FAM222A: variants seen among roughly 807,000 people sequenced by gnomAD.
FAM222A encodes protein FAM222A.
In FAM222A, 7 loss-of-function variants were observed where a neutral mutation model predicts 25.8. That is an observed-to-expected ratio of 0.27 (90% confidence interval 0.15 to 0.51). The LOEUF (loss-of-function observed/expected upper bound fraction) is 0.51. Among genes scored for constraint, FAM222A ranks in the 20% least tolerant of loss-of-function variants. The pLI is 0.97. For synonymous variants in FAM222A, 294 were observed against 298.8 expected, an observed-to-expected ratio of 0.98 and a Z score of 0.17; for missense variants, 573 against 640.5, an observed-to-expected ratio of 0.89 and a Z score of 1.14.
At chr12:109,749,451 G>A (rs1888498278) in intron 2 of FAM222A, among the ~76,000 whole-genome samples, 1 of 152,108 alleles carries the variant, frequency 6.6e-6, no homozygotes, top group Non-Finnish European at 1.5e-5. Context: ...TATGATCAGA[G>A]AATCTTGTCT....
chr12:109,725,538 A>G (rs1006957983), intron 1 of FAM222A, among the ~76,000 whole-genome samples: 8 of 150,050 alleles, frequency 5.3e-5, no homozygotes, highest in Non-Finnish European at 1.0e-4. Flanking sequence ...GTCCAAGGCT[A>G]GGCACCTTGC....
intron 2 of FAM222A, among the ~76,000 whole-genome samples, chr12:109,756,309 T>C (rs1888724474): frequency 6.6e-6 from 1 of 152,162 alleles, no homozygotes; most frequent in African/African-American, 2.4e-5. Flanking sequence ...TAATAGTTTT[T>C]TAGTGAATTT....
At chr12:109,741,063 C>T (rs1321393500) in intron 1 of FAM222A, among the ~76,000 whole-genome samples, 3 of 152,148 alleles carry the variant, frequency 2.0e-5, no homozygotes, top group Non-Finnish European at 2.9e-5. Context: ...GGCTCCACGC[C>T]GGGGCCAGAG....
chr12:109,718,070 A>G (rs1005366381), intron 1 of FAM222A, among the ~76,000 whole-genome samples: 1 of 152,192 alleles, frequency 6.6e-6, no homozygotes, highest in African/African-American at 2.4e-5. Context: ...GAGAAGGACC[A>G]TAGCACTCAC....
At chr12:109,764,002 G>A (rs940733661) in intron 2 of FAM222A, among the ~76,000 whole-genome samples, 8 of 152,020 alleles carry the variant, frequency 5.3e-5, no homozygotes, top group Non-Finnish European at 8.8e-5. Flanking sequence ...CACCAAGGTG[G>A]GAGGGTCACT....
chr12:109,743,250 G>A (rs1430270199), intron 1 of FAM222A, among the ~76,000 whole-genome samples: 1 of 152,196 alleles, frequency 6.6e-6, no homozygotes, highest in African/African-American at 2.4e-5. Context: ...CCAGTCAGGG[G>A]CTTTGGGCTC....
chr12:109,738,239 C>A (rs999526339), intron 1 of FAM222A, among the ~76,000 whole-genome samples: 5 of 152,166 alleles, frequency 3.3e-5, no homozygotes, highest in Non-Finnish European at 5.9e-5. Flanking sequence ...TGCTGCCCCT[C>A]ATTATTTAGA....
chr12:109,769,042 G>C lies in FAM222A; in HGVS notation c.1113G>C (p.Glu371Asp), dbSNP rs779707132. The C allele has an allele frequency of 6.3e-7, 1 of 1,586,208 alleles. No homozygotes were observed. Among genetic ancestry groups the C allele is most frequent in the Admixed American group, 1.8e-5 (1 of 56,298 alleles). ...YNPAAAVVVTELGPGAARELA... is the reference protein window; with the variant it reads ...YNPAAAVVVTDLGPGAARELA... ...CAGCGGCGGCGGTGGTGGTCACGGA[G>C]CTGGGGCCGGGGGCAGCCCGGGAGC... The change falls in exon 3 of 3, where the codon GAG (glutamate) becomes GAC (aspartate). Residue 371 changes from glutamate to aspartate, a missense_variant. Glu to Asp is a conservative substitution (Grantham distance 45). This residue lies in a region of FAM222A where 412 missense variants were observed against 407.0 expected (regional missense o/e 1.01). Coordinates refer to ENST00000538780, the MANE Select transcript of FAM222A (RefSeq NM_032829.3).
At chr12:109,720,845 G>T (rs1205355036) in intron 1 of FAM222A, among the ~76,000 whole-genome samples, 1 of 152,188 alleles carries the variant, frequency 6.6e-6, no homozygotes, top group Non-Finnish European at 1.5e-5. Context: ...ACAGTATGTG[G>T]GCACTGTGCC....
At chr12:109,719,801 A>G (rs2136316219) in intron 1 of FAM222A, among the ~76,000 whole-genome samples, 1 of 152,054 alleles carries the variant, frequency 6.6e-6, no homozygotes, top group Admixed American at 6.5e-5. Flanking sequence ...TGCTGAGCTA[A>G]GGGTGCTGTG....
chr12:109,725,713 C>T (rs755587390), intron 1 of FAM222A, among the ~76,000 whole-genome samples: 2 of 151,800 alleles, frequency 1.3e-5, no homozygotes, highest in African/African-American at 2.4e-5. Flanking sequence ...GAAACGTTTG[C>T]TTGAAGCAAA....
At position 109,768,367 on chromosome 12, in the gene FAM222A, G is replaced by C; in HGVS notation, c.438G>C (p.Ala146=). Residue 146 remains alanine (A), a synonymous_variant, in exon 3 of 3, where the codon GCG becomes GCC. Transcript: ENST00000538780. ...CGGCCGCCGTGCAGGTGGGCATTGC[G>C]CCCTACCCAGTGCCCAGCACTCTGG... ...LSPAAVQVGI[A]PYPVPSTLGP... 1 of 1,596,714 alleles carries C rather than the reference G, an allele frequency of 6.3e-7. No homozygotes were observed. The highest frequency in any genetic ancestry group is 8.5e-7 in the Non-Finnish European group (1 of 1,176,186).
chr12:109,745,633 C>T (rs1888378600), intron 2 of FAM222A, among the ~76,000 whole-genome samples: 1 of 152,166 alleles, frequency 6.6e-6, no homozygotes, highest in Non-Finnish European at 1.5e-5. Flanking sequence ...TTTTGCTCAC[C>T]TGGGCAGTGA....
intron 2 of FAM222A, among the ~76,000 whole-genome samples, chr12:109,767,546 C>T (rs1889092208): frequency 6.6e-6 from 1 of 152,126 alleles, no homozygotes; most frequent in Non-Finnish European, 1.5e-5. Context: ...ACAACAAATA[C>T]CATACAGCGA....
rs1887594156 is a variant in FAM222A, at chr12:109,714,267, CAG to C, written c.-674_-673del. On this transcript the variant is annotated 5_prime_UTR_variant, in exon 1 of 3. Transcript: ENST00000538780. This position sits in a 1 kb window ranked among gnomAD's most constrained non-coding sequence, Gnocchi z 4.2. ...TTCCCCTCCCCCCACACCCGGGGCT[CAG>C]AGCAGGAGGAGGAGGGGCCGGTGCA... 5.5e-6 allele frequency: 1 copy of C among 182,544 alleles called. No homozygotes were observed. The highest frequency in any genetic ancestry group is 6.4e-5 in the Admixed American group (1 of 15,648). The allele number at this position is 182,544 out of a possible 1,614,324, so 11.3% of individuals were successfully genotyped here.
At chr12:109,730,614 CTCTG>C (rs756403161) in intron 1 of FAM222A, among the ~76,000 whole-genome samples, 5 of 152,184 alleles carry the variant, frequency 3.3e-5, no homozygotes, top group Non-Finnish European at 5.9e-5. Flanking sequence ...CCCCCTGAAG[CTCTG>C]TCTGACCTGG....
intron 2 of FAM222A, among the ~76,000 whole-genome samples, chr12:109,763,622 C>CAGAGCAAGTGGTCTGAG (rs1888960489): frequency 6.6e-6 from 1 of 152,232 alleles, no homozygotes; most frequent in Non-Finnish European, 1.5e-5. Flanking sequence ...TGGCTTCCCC[C>CAGAGCAAGTGGTCTGAG]AGAGCAAGTG....
intron 1 of FAM222A, among the ~76,000 whole-genome samples, chr12:109,736,687 G>A (rs988663167): frequency 6.6e-6 from 1 of 152,218 alleles, no homozygotes; most frequent in Non-Finnish European, 1.5e-5. Context: ...CATAGTTGGT[G>A]TTTAATCTGT....
intron 1 of FAM222A, among the ~76,000 whole-genome samples, chr12:109,730,019 C>T (rs192524225): frequency 6.6e-5 from 10 of 152,312 alleles, no homozygotes; most frequent in Non-Finnish European, 1.0e-4. Flanking sequence ...CCATGACCAC[C>T]GCGCCTTCTC....
Sources: gnomAD v4.1 joint callset for allele counts (sites outside exome capture counted in the v4.1 genomes callset) on GRCh38, gnomAD v4.1.1 for gene constraint, gnomAD v4.1.1 regional missense constraint, Gnocchi (gnomAD v3.1) non-coding constraint, MANE v1.5 for transcripts, NCBI Gene and HGNC (gene_info 2026-07-23, HGNC 2026-07-21) for gene names.